Variants in NRXN3 observed in about 807,000 individuals in gnomAD.
NRXN3 encodes neurexin III.
Under a neutral mutation model 137.6 loss-of-function variants are expected in NRXN3, and 32 were observed. The ratio of observed to expected loss-of-function variants is 0.23; its 90% CI spans 0.18 to 0.31. NRXN3 has a LOEUF of 0.31. Among genes scored for constraint, NRXN3 ranks in the 10% least tolerant of loss-of-function variants. The probability of loss-of-function intolerance (pLI) is 1.00; values close to 1 mark genes in which losing one functional copy is unlikely to be tolerated. For missense variants in NRXN3, 1,574 were observed against 2,062.5 expected (o/e 0.76, Z 4.59); for synonymous variants, 798 against 784.5 (o/e 1.02, Z -0.29).
At chr14:79,700,840 C>G (rs2098752000) in intron 19 of NRXN3, among the ~76,000 whole-genome samples, 1 of 151,994 alleles carries the variant, frequency 6.6e-6, no homozygotes, top group African/African-American at 2.4e-5. Context: ...TTAATTTACT[C>G]ATAGCAATCA....
intron 4 of NRXN3, among the ~76,000 whole-genome samples, chr14:78,521,772 C>T (rs1442511487): frequency 6.6e-6 from 1 of 151,968 alleles, no homozygotes; most frequent in Non-Finnish European, 1.5e-5. Flanking sequence ...TAGAGCTTAT[C>T]TGTATATCCT....
intron 15 of NRXN3, among the ~76,000 whole-genome samples, chr14:79,297,841 C>A (rs2084447366): frequency 6.6e-6 from 1 of 152,168 alleles, no homozygotes; most frequent in South Asian, 2.1e-4. Flanking sequence ...GGATTAAAAC[C>A]AGTAACGGAG....
chr14:79,801,730 T>C (rs1466145504), intron 19 of NRXN3, among the ~76,000 whole-genome samples: 1 of 152,130 alleles, frequency 6.6e-6, no homozygotes, highest in East Asian at 1.9e-4. Flanking sequence ...TTCTGTTGCC[T>C]GGGAAGAACA....
At chr14:79,445,319 A>G (rs1027885723) in intron 15 of NRXN3, among the ~76,000 whole-genome samples, 1 of 151,458 alleles carries the variant, frequency 6.6e-6, no homozygotes, top group African/African-American at 2.4e-5. Context: ...CAGCCTGGTG[A>G]CAGAGCAAGA....
chr14:79,682,876 C>T (rs1275726456), intron 17 of NRXN3, among the ~76,000 whole-genome samples: 1 of 152,100 alleles, frequency 6.6e-6, no homozygotes, highest in Non-Finnish European at 1.5e-5. Context: ...ATGGTGATTA[C>T]CTGAAATTCC....
At chr14:78,931,594 A>G (rs1177412680) in intron 10 of NRXN3, among the ~76,000 whole-genome samples, 2 of 152,138 alleles carry the variant, frequency 1.3e-5, no homozygotes, top group South Asian at 2.1e-4. Context: ...CCTGAGAATC[A>G]TATATTTAGT....
At chr14:78,487,671 G>A (rs552550446) in intron 4 of NRXN3, among the ~76,000 whole-genome samples, 2 of 151,890 alleles carry the variant, frequency 1.3e-5, no homozygotes, top group African/African-American at 4.8e-5. Flanking sequence ...GAACCCAGGA[G>A]GCAGAGGTTG....
intron 4 of NRXN3, among the ~76,000 whole-genome samples, chr14:78,589,177 G>A (rs568093931): frequency 7.2e-5 from 11 of 152,256 alleles, no homozygotes; most frequent in East Asian, 5.8e-4. Flanking sequence ...GCATTCTACC[G>A]TTTAAGGCCT....
At chr14:78,211,433 C>T (rs940392246) in intron 1 of NRXN3, among the ~76,000 whole-genome samples, 2 of 152,234 alleles carry the variant, frequency 1.3e-5, no homozygotes, top group African/African-American at 4.8e-5. Flanking sequence ...AGTTTCACCC[C>T]CTCCTCTGGT....
At chr14:78,499,995 C>T (rs186904651) in intron 4 of NRXN3, among the ~76,000 whole-genome samples, 13 of 152,130 alleles carry the variant, frequency 8.5e-5, no homozygotes, top group South Asian at 2.1e-4. Context: ...ACAAGTTCAA[C>T]GCAAACTCTA....
chr14:78,452,449 G>A (rs1345392133), intron 4 of NRXN3, among the ~76,000 whole-genome samples: 1 of 152,212 alleles, frequency 6.6e-6, no homozygotes, highest in Non-Finnish European at 1.5e-5. Flanking sequence ...GATTTTCCCA[G>A]TGACACCCAG....
chr14:78,999,517 A>G (rs1407536836), intron 15 of NRXN3, among the ~76,000 whole-genome samples: 2 of 152,132 alleles, frequency 1.3e-5, no homozygotes, highest in African/African-American at 4.8e-5. Context: ...GAACACTAAC[A>G]GTTTTACTAG....
At chr14:78,802,485 T>C (rs1381021041) in intron 8 of NRXN3, among the ~76,000 whole-genome samples, 1 of 152,214 alleles carries the variant, frequency 6.6e-6, no homozygotes, top group Non-Finnish European at 1.5e-5. Context: ...TATACATATG[T>C]AACTAACCTG....
chr14:79,016,948 T>C (rs2099580282), intron 15 of NRXN3, among the ~76,000 whole-genome samples: 1 of 151,946 alleles, frequency 6.6e-6, no homozygotes, highest in Admixed American at 6.5e-5. Flanking sequence ...GAGGAGAGAA[T>C]GGGGAAAAGG....
At chr14:78,402,405 C>T (rs1357154558) in intron 4 of NRXN3, among the ~76,000 whole-genome samples, 2 of 152,094 alleles carry the variant, frequency 1.3e-5, no homozygotes, top group African/African-American at 4.8e-5. Flanking sequence ...TTAGGAAATT[C>T]CTATTTATAT....
rs148018283 is a variant in NRXN3, at chr14:79,323,230, C to T, written c.3263-143991C>T. Among the ~76,000 whole-genome samples, 260 of 152,186 alleles carry T rather than the reference C, an allele frequency of 1.7e-3. 1 individual carries two copies. The highest frequency in any genetic ancestry group is 6.1e-3 in the African/African-American group (252 of 41,548). ...TTTATATATTTATTTTTAGTAGCAA[C>T]AAGCTCTCACTATGTTGCCCAGGAT... On this transcript the variant is annotated intron_variant, in intron 15 of 20. Transcript: ENST00000335750.
chr14:78,996,953 A>G (rs998356553), intron 15 of NRXN3, among the ~76,000 whole-genome samples: 1 of 152,164 alleles, frequency 6.6e-6, no homozygotes, highest in African/African-American at 2.4e-5. Flanking sequence ...GAACAGTTCT[A>G]TAGATGTGGG....
intron 16 of NRXN3, among the ~76,000 whole-genome samples, chr14:79,637,567 T>G (rs185672133): frequency 8.2e-4 from 124 of 152,124 alleles, no homozygotes; most frequent in African/African-American, 2.9e-3. Context: ...CAGAGAAGAC[T>G]GTTGTGGGAA....
intron 4 of NRXN3, among the ~76,000 whole-genome samples, chr14:78,464,395 C>T (rs1390087506): frequency 6.6e-6 from 1 of 152,088 alleles, no homozygotes; most frequent in South Asian, 2.1e-4. Context: ...TGTGACTAGA[C>T]AGTAAGGGAG....
Sources: gnomAD v4.1 joint callset for allele counts (sites outside exome capture counted in the v4.1 genomes callset) on GRCh38, gnomAD v4.1.1 for gene constraint, MANE v1.5 for transcripts, NCBI Gene and HGNC (gene_info 2026-07-23, HGNC 2026-07-21) for gene names.